The following CCDC171 variants were observed in gnomAD, a reference collection of about 807,000 sequenced individuals.
CCDC171 encodes the protein coiled-coil domain-containing protein 171.
A neutral mutation model predicts 168.2 loss-of-function variants in CCDC171; 177 were observed. The observed-to-expected ratio is 1.05, with a 90% CI of 0.93 to 1.19. The LOEUF (loss-of-function observed/expected upper bound fraction) is 1.19. Ranked by LOEUF, CCDC171 falls within the 50% of genes most tolerant of loss-of-function variation. The pLI is 0.00. For missense variants in CCDC171, 1,991 were observed against 1,539.0 expected, an observed-to-expected ratio of 1.29 and a Z score of -4.91; for synonymous variants, 687 against 540.8, an observed-to-expected ratio of 1.27 and a Z score of -3.75.
At chr9:15,779,468 T>C (rs1016798544) in intron 20 of CCDC171, among the ~76,000 whole-genome samples, 4 of 152,152 alleles carry the variant, frequency 2.6e-5, no homozygotes, top group South Asian at 4.1e-4. Context: ...CAAGTGATTC[T>C]CTTGCCTCAG....
At chr9:15,660,122 A>G (rs1013586586) in intron 8 of CCDC171, among the ~76,000 whole-genome samples, 5 of 152,172 alleles carry the variant, frequency 3.3e-5, no homozygotes, top group Non-Finnish European at 7.4e-5. Flanking sequence ...AAGATTTGGT[A>G]TTAAAATTTA....
intron 7 of CCDC171, among the ~76,000 whole-genome samples, chr9:15,635,077 C>T (rs1157388881): frequency 1.3e-5 from 2 of 152,084 alleles, no homozygotes; most frequent in Admixed American, 6.5e-5. Flanking sequence ...TCAGGGTTCT[C>T]TAAAGGGACA....
At chr9:15,981,758 C>T (rs1301606872) in intron 3 of CCDC171, among the ~76,000 whole-genome samples, 1 of 152,116 alleles carries the variant, frequency 6.6e-6, no homozygotes, top group African/African-American at 2.4e-5. Context: ...CCCTTTTCCA[C>T]CCCCACCTTT....
At chr9:15,723,574 G>C (rs868054368) in intron 12 of CCDC171, 107 bp from the exon 13 acceptor site, 2 of 704,596 alleles carry the variant, frequency 2.8e-6, no homozygotes, top group Admixed American at 6.2e-5. Context: ...TTAAGTAATT[G>C]CATAAAAAGC....
intron 25 of CCDC171, among the ~76,000 whole-genome samples, chr9:15,934,401 A>AAAAAAG (rs1826873023): frequency 6.6e-6 from 1 of 151,284 alleles, no homozygotes; most frequent in Non-Finnish European, 1.5e-5. Flanking sequence ...AAAAAAAAAA[A>AAAAAAG]AAAAGAAAAG....
downstream of CCDC171, among the ~76,000 whole-genome samples, chr9:16,063,283 G>T (rs543801638): frequency 6.6e-6 from 1 of 152,152 alleles, no homozygotes; most frequent in African/African-American, 2.4e-5. Flanking sequence ...TAAAATGCTC[G>T]AAAGAGAGGA....
rs548727483 is a variant in CCDC171, at chr9:15,787,446, T to A, written c.3267+2752T>A. Among the ~76,000 whole-genome samples the A allele has an allele frequency of 2.0e-5, 3 of 152,264 alleles. No individual in the cohort carries two copies. The South Asian group carries it at 6.2e-4, about 32-fold the overall frequency. On this transcript the variant is annotated intron_variant, in intron 21 of 25. Transcript: ENST00000380701. ...ATTAACCTAATTTAATATTATAGAC[T>A]TAGATTTATCCCAGCTTCTTCCTCC...
At chr9:15,637,964 T>C (rs1419373656) in intron 7 of CCDC171, among the ~76,000 whole-genome samples, 1 of 152,210 alleles carries the variant, frequency 6.6e-6, no homozygotes, top group African/African-American at 2.4e-5. Flanking sequence ...GCATGATTTA[T>C]AGTCCTTTGG....
the CCDC171 span, among the ~76,000 whole-genome samples, chr9:16,094,920 C>A: frequency 6.3e-4 from 96 of 152,082 alleles, 1 homozygote; most frequent in Non-Finnish European, 1.1e-3. Context: ...CAGATTTCCC[C>A]GTTGCTGTCT....
intron 6 of CCDC171, among the ~76,000 whole-genome samples, chr9:15,614,972 A>G (rs2043976451): frequency 6.6e-6 from 1 of 152,356 alleles, no homozygotes; most frequent in Admixed American, 6.5e-5. Context: ...AAAAAGAAAC[A>G]TTAAAGGAGC....
At chr9:16,043,036 G>A (rs1020847190) in intron 1 of CCDC171, 6 of 152,154 alleles carry the variant, frequency 3.9e-5, no homozygotes, top group Admixed American at 3.9e-4. Context: ...GCTTCCAGGT[G>A]GCTTGCCCAG....
chr9:15,575,229 G>A (rs567946107), intron 3 of CCDC171, among the ~76,000 whole-genome samples: 1 of 137,450 alleles, frequency 7.3e-6, no homozygotes, highest in African/African-American at 2.7e-5. Context: ...GCAATGGTGT[G>A]ATCTTGGCTC....
At chr9:16,008,619 C>G (rs1317853933) in intron 3 of CCDC171, among the ~76,000 whole-genome samples, 1 of 152,154 alleles carries the variant, frequency 6.6e-6, no homozygotes, top group African/African-American at 2.4e-5. Flanking sequence ...GTCCCCTGTT[C>G]TTGCCATTTT....
At chr9:15,949,474 T>G (rs1487718190) in intron 25 of CCDC171, among the ~76,000 whole-genome samples, 1 of 152,230 alleles carries the variant, frequency 6.6e-6, no homozygotes, top group East Asian at 1.9e-4. Flanking sequence ...TTCTTCCATT[T>G]GCTTGTATCC....
At chr9:15,888,952 T>TTC (rs1217896796) in intron 24 of CCDC171, 7 of 86,498 alleles carry the variant, frequency 8.1e-5, no homozygotes, top group East Asian at 7.2e-4. Context: ...TTCTTTTCTT[T>TTC]TTTTTTTTTT....
chr9:15,635,181 A>T (rs919954521), intron 7 of CCDC171, among the ~76,000 whole-genome samples: 1 of 152,216 alleles, frequency 6.6e-6, no homozygotes. Flanking sequence ...GGCCATCTGC[A>T]AGCTGAGGAG....
At position 15,594,062 on chromosome 9, in the gene CCDC171, C is replaced by G; in HGVS notation, c.565C>G (p.Arg189Gly). ...AAAGGAAGCGTTGGAAAAACATCAACGGGAGAAGAATGAGATGGAGTCTCA... is the reference window on the plus strand; with the variant it reads ...AAAGGAAGCGTTGGAAAAACATCAAGGGGAGAAGAATGAGATGGAGTCTCA... ...TLQEALEKHQ[R>G]EKNEMESHIR... Residue 189 changes from arginine (R) to glycine (G), a missense_variant, in exon 6 of 26, where the codon CGG becomes GGG. Coordinates refer to ENST00000380701, the MANE Select transcript of CCDC171 (RefSeq NM_173550.4). 2.5e-6 allele frequency: 4 copies of G among 1,589,262 alleles called. No homozygotes were observed. The highest frequency in any genetic ancestry group is 3.4e-6 in the Non-Finnish European group (4 of 1,166,438).
At chr9:15,649,798 G>A (rs1420452160) in intron 7 of CCDC171, among the ~76,000 whole-genome samples, 1 of 152,210 alleles carries the variant, frequency 6.6e-6, no homozygotes, top group Non-Finnish European at 1.5e-5. Flanking sequence ...TACACTGTTG[G>A]AAGGACTGTA....
intron 23 of CCDC171, among the ~76,000 whole-genome samples, chr9:15,857,694 G>C (rs2061398098): frequency 6.6e-6 from 1 of 151,862 alleles, no homozygotes; most frequent in Non-Finnish European, 1.5e-5. Flanking sequence ...AAAGTGCTGG[G>C]ATTACAGGCA....
Sources: allele counts gnomAD v4.1 joint callset (sites outside exome capture counted in the v4.1 genomes callset), GRCh38; gene constraint gnomAD v4.1.1; transcripts MANE v1.5; gene names NCBI Gene and HGNC (gene_info 2026-07-23, HGNC 2026-07-21).